SGTA: variants seen among roughly 807,000 people sequenced by gnomAD.
SGTA encodes the protein small glutamine-rich tetratricopeptide repeat-containing protein alpha.
Under a neutral mutation model 44.3 loss-of-function variants are expected in SGTA, and 22 were observed. That is an observed-to-expected ratio of 0.50 (90% CI 0.36 to 0.71). The LOEUF is 0.71. Ranked by LOEUF, SGTA falls within the 30% of genes least tolerant of loss-of-function variation. SGTA has a pLI of 0.00. For synonymous variants in SGTA, 174 were observed against 177.6 expected, an observed-to-expected ratio of 0.98 and a Z score of 0.16; for missense variants, 341 against 435.9, an observed-to-expected ratio of 0.78 and a Z score of 1.94.
At chr19:2,775,334 C>T (rs1267140086) in intron 1 of SGTA, among the ~76,000 whole-genome samples, 2 of 152,202 alleles carry the variant, frequency 1.3e-5, no homozygotes, top group Admixed American at 6.5e-5. Context: ...GAAAATGAGG[C>T]GTGGGCTGCC....
At chr19:2,757,199 AC>A in intron 11 of SGTA, 137 bp downstream of exon 11, 1 of 1,115,508 alleles carries the variant, frequency 9.0e-7, no homozygotes, top group South Asian at 1.6e-5. Flanking sequence ...AGCTGGATGC[AC>A]CCAGGACTCG....
chr19:2,779,736 TCCC>T (rs1915527993), intron 1 of SGTA, among the ~76,000 whole-genome samples: 1 of 152,178 alleles, frequency 6.6e-6, no homozygotes, highest in African/African-American at 2.4e-5. Flanking sequence ...TGACTCCACA[TCCC>T]ACCTTTTCAT....
At position 2,767,706 on chromosome 19, in the gene SGTA, G is replaced by A. The variant is rs758646835; in HGVS notation, c.101-20C>T. On this transcript the variant is annotated intron_variant, in intron 2 of 11. Coordinates refer to ENST00000221566, the MANE Select transcript of SGTA (RefSeq NM_003021.4). This position sits in a 1 kb window ranked among gnomAD's most constrained non-coding sequence, Gnocchi z 7.3. ...TGGCGACTGAAGCGGGGACAGAGGC[G>A]GTCCCATTCATTGCACGCAGCCCCG... The A allele has an allele frequency of 1.8e-5, 29 of 1,582,574 alleles. No homozygotes were observed. The highest frequency in any genetic ancestry group is 1.2e-4 in the Admixed American group (7 of 59,948).
rs529718232 is a variant in SGTA at position 2,766,498 on chromosome 19, T to A, written c.292+638A>T. The stretch of plus-strand genomic sequence containing the variant: ...CCCAGGCTGGAGTGCAGTGGCGCGA[T>A]CTGGACTCACTGCAACCTCCGCCTC... On this transcript the variant is annotated intron_variant, in intron 4 of 11. Coordinates refer to ENST00000221566, the MANE Select transcript of SGTA (RefSeq NM_003021.4). Among the ~76,000 whole-genome samples, 7 of 152,068 alleles carry A rather than the reference T, an allele frequency of 4.6e-5. No homozygotes were observed. The South Asian group carries it at 1.5e-3, about 32-fold the overall frequency.
rs1370652099 is a variant in SGTA, at chr19:2,763,369, A to G, written c.497+284T>C. ...GCTCTGTGAGCCGCCCCAGCAAACAATGGAGCCTGAGTAGGAGCCATGGGA... is the reference window on the plus strand; with the variant it reads ...GCTCTGTGAGCCGCCCCAGCAAACAGTGGAGCCTGAGTAGGAGCCATGGGA... On this transcript the variant is annotated intron_variant, in intron 6 of 11. Coordinates refer to ENST00000221566, the MANE Select transcript of SGTA (RefSeq NM_003021.4). The surrounding 1 kb of genome is among the most constrained non-coding windows in gnomAD (Gnocchi z 5.8). Among the ~76,000 whole-genome samples the G allele has an allele frequency of 7.2e-5, 11 of 152,050 alleles. No individual in the cohort carries two copies. The highest frequency in any genetic ancestry group is 5.9e-4 in the Admixed American group (9 of 15,268).
At chr19:2,759,387 T>G (rs567096811) in intron 8 of SGTA, 93 bp from the exon 9 acceptor site, 1 of 1,204,058 alleles carries the variant, frequency 8.3e-7, no homozygotes, top group East Asian at 2.3e-5. Flanking sequence ...GCCTTGGTTC[T>G]GGACTCCAGC....
intron 4 of SGTA, among the ~76,000 whole-genome samples, chr19:2,766,800 ATG>A (rs1915154844): frequency 6.6e-6 from 1 of 151,444 alleles, no homozygotes; most frequent in African/African-American, 2.4e-5. Context: ...TTTGGTGGAC[ATG>A]TGTCTCTCTT....
chr19:2,758,586 C>T (rs1384927664), intron 9 of SGTA, among the ~76,000 whole-genome samples: 1 of 152,034 alleles, frequency 6.6e-6, no homozygotes, highest in Non-Finnish European at 1.5e-5. Context: ...CCAGTGCGCA[C>T]AGCGCTTACT....
At chr19:2,758,622 G>C (rs1465070883) in intron 9 of SGTA, among the ~76,000 whole-genome samples, 1 of 152,216 alleles carries the variant, frequency 6.6e-6, no homozygotes, top group Non-Finnish European at 1.5e-5. Context: ...GAGCCAGCGA[G>C]TGCACTCAGA....
In SGTA at chr19:2,757,812, G is replaced by A. The variant is rs557474809; in HGVS notation, c.738-30C>T. The A allele has an allele frequency of 5.9e-5, 88 of 1,481,462 alleles. No homozygotes were observed. The East Asian group carries it at 8.0e-4, about 13-fold the overall frequency. The allele number at this position is 1,481,462 out of a possible 1,614,324, so 91.8% of individuals were successfully genotyped here. ...AGGAGAGAGCGCGTGACTCGCAGCCGGGACAGCCTGACCGCCACCCCCACT... is the reference window on the plus strand; with the variant it reads ...AGGAGAGAGCGCGTGACTCGCAGCCAGGACAGCCTGACCGCCACCCCCACT... On this transcript the variant is annotated intron_variant, in intron 9 of 11. Transcript: ENST00000221566.
At chr19:2,782,652 G>C (rs1261278010) in intron 1 of SGTA, 2 of 152,226 alleles carry the variant, frequency 1.3e-5, no homozygotes, top group Non-Finnish European at 2.9e-5. Context: ...ATATGCAGAA[G>C]AAGACTCTAA....
At position 2,765,293 on chromosome 19, in the gene SGTA, G is replaced by A. The variant is rs1250567339; in HGVS notation, c.293-8C>T. On this transcript the variant is annotated splice_polypyrimidine_tract_variant and splice_region_variant and intron_variant, in intron 4 of 11. Coordinates refer to ENST00000221566, the MANE Select transcript of SGTA (RefSeq NM_003021.4). The surrounding 1 kb of genome is among the most constrained non-coding windows in gnomAD (Gnocchi z 5.5). ...CTTTCATCTGCTCGTTTCCTACAGG[G>A]AGAGAGGAAAACACCGGCCCGGTGT... 2 of 1,607,788 alleles carry A rather than the reference G, an allele frequency of 1.2e-6. No individual in the cohort carries two copies. The highest frequency in any genetic ancestry group is 1.1e-5 in the South Asian group (1 of 90,784).
chr19:2,762,453 C>A, intron 7 of SGTA, 53 bp downstream of exon 7: 1 of 1,601,150 alleles, frequency 6.2e-7, no homozygotes, highest in South Asian at 1.1e-5. Flanking sequence ...ACCTGTCCCC[C>A]ACCCACACAG....
intron 5 of SGTA, among the ~76,000 whole-genome samples, chr19:2,764,918 C>T (rs1211101697): frequency 4.6e-5 from 7 of 152,232 alleles, no homozygotes; most frequent in African/African-American, 1.7e-4. Context: ...GATATGTTGC[C>T]CAGGCTAGTC....
At chr19:2,770,097 CACCCTCCTGGTTCCCTCTCAGAA>C (rs151152071) in intron 1 of SGTA, 32,727 of 134,638 alleles carry the variant, frequency 0.24, 5,198 homozygotes, top group East Asian at 0.63. Flanking sequence ...CCCCCTCGGA[CACCCTCCTGGTTCCCTCTCAGAA>C]ACCCTCCTGG....
In SGTA at chr19:2,763,696, T is replaced by C; in HGVS notation, c.454A>G (p.Ile152Val). Residue 152 changes from isoleucine to valine, a missense_variant, in exon 6 of 12, where the codon ATC (isoleucine) becomes GTC (valine). Ile to Val is a conservative substitution (Grantham distance 29). Coordinates refer to ENST00000221566, the MANE Select transcript of SGTA (RefSeq NM_003021.4). The surrounding 1 kb of genome is among the most constrained non-coding windows in gnomAD (Gnocchi z 5.8). ...TTGCTGTAGGCCGGGTCAATGCAGATGGCCCGCTCACAGTCCTGCACCGCG... is the reference window on the plus strand; with the variant it reads ...TTGCTGTAGGCCGGGTCAATGCAGACGGCCCGCTCACAGTCCTGCACCGCG... ...AGAVQDCERAICIDPAYSKAY... is the reference protein window; with the variant it reads ...AGAVQDCERAVCIDPAYSKAY... 1.2e-6 allele frequency: 2 copies of C among 1,613,874 alleles called. No individual in the cohort carries two copies. Among genetic ancestry groups the C allele is most frequent in the African/African-American group, 1.3e-5 (1 of 75,052 alleles).
rs1387777448 is a variant in SGTA, at chr19:2,755,479, G to A, written c.*461C>T. 19 of 987,334 alleles carry A rather than the reference G, an allele frequency of 1.9e-5. No homozygotes were observed. Among genetic ancestry groups the A allele is most frequent in the South Asian group, 4.7e-5 (1 of 21,372 alleles). The allele number at this position is 987,334 out of a possible 1,614,324, so 61.2% of individuals were successfully genotyped here. A position where few individuals can be genotyped will look rare whatever the true frequency, so the allele number is the denominator to read the frequency against. ...GAGCAGGCACAGGGCCGGGGTGGCC[G>A]GGAGGTCGACTCGGAAAGAGGCTTC... On this transcript the variant is annotated 3_prime_UTR_variant, in exon 12 of 12. Transcript: ENST00000221566. This position sits in a 1 kb window ranked among gnomAD's most constrained non-coding sequence, Gnocchi z 5.2.
rs757441861 is a variant in SGTA, at chr19:2,767,537, T to C, written c.207+43A>G. The C allele has an allele frequency of 3.1e-5, 47 of 1,519,138 alleles. No homozygotes were observed. The highest frequency in any genetic ancestry group is 2.2e-4 in the Admixed American group (13 of 59,596). 94.1% of individuals were successfully genotyped at this position (1,519,138 alleles called of 1,614,324 possible). On this transcript the variant is annotated intron_variant, in intron 3 of 11. Coordinates refer to ENST00000221566, the MANE Select transcript of SGTA (RefSeq NM_003021.4). This position sits in a 1 kb window ranked among gnomAD's most constrained non-coding sequence, Gnocchi z 7.3. ...TCCCCAGGGCTGCCTGCTGTTGCTG[T>C]TCTTATTTTGGGGGCAGTGGCTGGG...
Position 2,767,531 on chromosome 19 carries a change from T to C in SGTA, c.207+49A>G. 1 of 1,481,588 alleles carries C rather than the reference T, an allele frequency of 6.7e-7. No individual in the cohort carries two copies. The highest frequency in any genetic ancestry group is 9.4e-7 in the Non-Finnish European group (1 of 1,061,624). 91.8% of individuals were successfully genotyped at this position (1,481,588 alleles called of 1,614,324 possible). ...CTGGGGTCCCCAGGGCTGCCTGCTG[T>C]TGCTGTTCTTATTTTGGGGGCAGTG... On this transcript the variant is annotated intron_variant, in intron 3 of 11. Transcript: ENST00000221566. The surrounding 1 kb of genome is among the most constrained non-coding windows in gnomAD (Gnocchi z 7.3).
Sources: allele counts gnomAD v4.1 joint callset (sites outside exome capture counted in the v4.1 genomes callset), GRCh38; gene constraint gnomAD v4.1.1; non-coding constraint Gnocchi (gnomAD v3.1); transcripts MANE v1.5; gene names NCBI Gene and HGNC (gene_info 2026-07-23, HGNC 2026-07-21).